Variants in TDO2 observed in about 807,000 individuals in gnomAD.
The protein encoded by TDO2 is tryptophan 2,3-dioxygenase.
Under a neutral mutation model 61.2 loss-of-function variants are expected in TDO2, and 63 were observed. The ratio of observed to expected loss-of-function variants is 1.03; its 90% CI spans 0.84 to 1.27. The LOEUF (loss-of-function observed/expected upper bound fraction) is 1.27, where lower values mean the gene tolerates loss of function less well. Ranked by LOEUF, TDO2 falls within the 50% of genes most tolerant of loss-of-function variation. The pLI, the probability that TDO2 is intolerant of heterozygous loss-of-function variation, is 0.00. For missense variants in TDO2, 494 were observed against 469.5 expected (o/e 1.05, Z -0.48); for synonymous variants, 183 against 164.0 (o/e 1.12, Z -0.89).
chr4:155,906,250 C>T (rs907518359), intron 3 of TDO2: 4 of 152,068 alleles, frequency 2.6e-5, no homozygotes, highest in African/African-American at 9.7e-5. Context: ...AAACATGCAA[C>T]AAATGGTAGC....
intron 6 of TDO2, among the ~76,000 whole-genome samples, chr4:155,910,725 A>C (rs1024788471): frequency 6.6e-6 from 1 of 152,130 alleles, no homozygotes; most frequent in African/African-American, 2.4e-5. Context: ...TAGATTATTA[A>C]ACAAAGATTG....
Position 155,911,752 on chromosome 4 carries a change from G to T in TDO2, c.726+148G>T, listed in dbSNP as rs537450755. 3.8e-5 allele frequency: 20 copies of T among 523,152 alleles called. No homozygotes were observed. In the East Asian group the frequency reaches 6.7e-4, roughly 18 times the overall value. The allele number at this position is 523,152 out of a possible 1,614,324, so 32.4% of individuals were successfully genotyped here. On this transcript the variant is annotated intron_variant, in intron 7 of 11. Transcript: ENST00000536354. ...TTTTCTTGGACTATGTGACATGATT[G>T]ATTTCATTTTCTTTATGTGTGATAA... is the stretch of plus-strand genomic sequence containing the variant.
rs1445803738 is a variant in TDO2 at position 155,909,178 on chromosome 4, A to C, written c.431+164A>C. 2.0e-5 allele frequency among the ~76,000 whole-genome samples: 3 copies of C among 152,208 alleles called. No homozygotes were observed. The East Asian group carries it at 5.8e-4, about 29-fold the overall frequency. On this transcript the variant is annotated intron_variant, in intron 5 of 11. Coordinates refer to ENST00000536354, the MANE Select transcript of TDO2 (RefSeq NM_005651.4). ...TCGATCACAAAGCATTTGAGAAGTT[A>C]TTAAAAATATTTTATTATTCATTTT...
intron 3 of TDO2, chr4:155,905,384 T>A (rs1425914075): frequency 1.5e-5 from 6 of 411,006 alleles, no homozygotes; most frequent in Non-Finnish European, 2.1e-5. Flanking sequence ...GGACTTTAGC[T>A]TTGTTCTTAA....
intron 3 of TDO2, 70 bp from the exon 4 acceptor site, chr4:155,907,652 T>C (rs773205040): frequency 1.4e-4 from 132 of 951,058 alleles, no homozygotes; most frequent in Admixed American, 7.3e-4. Flanking sequence ...ATGTTAAACA[T>C]ATCTTTCATA....
intron 9 of TDO2, among the ~76,000 whole-genome samples, chr4:155,916,189 A>G (rs1475635160): frequency 5.2e-5 from 6 of 116,050 alleles, no homozygotes; most frequent in Admixed American, 1.1e-4. Flanking sequence ...TTTTTTTGAG[A>G]CGGAGTCTCG....
Position 155,920,129 on chromosome 4 carries a change from A to G in TDO2, c.*139A>G. On this transcript the variant is annotated 3_prime_UTR_variant, in exon 12 of 12. Coordinates refer to ENST00000536354, the MANE Select transcript of TDO2 (RefSeq NM_005651.4). ...ATGCTCTGATTTAATTCTAGAAACA[A>G]TTTGATTACCTCTTGTTTGTGACAA... is the stretch of plus-strand genomic sequence containing the variant. 1 of 747,550 alleles carries G rather than the reference A, an allele frequency of 1.3e-6. No homozygotes were observed. The allele number at this position is 747,550 out of a possible 1,614,324, so 46.3% of individuals were successfully genotyped here. A position where few individuals can be genotyped will look rare whatever the true frequency, so the allele number is the denominator to read the frequency against.
rs752164518 is a variant in TDO2 at position 155,914,356 on chromosome 4, G to A, written c.760G>A (p.Val254Met). The change falls in exon 8 of 12, where the codon GTG (valine) becomes ATG (methionine). Residue 254 changes from valine (V) to methionine (M), a missense_variant. Coordinates refer to ENST00000536354, the MANE Select transcript of TDO2 (RefSeq NM_005651.4). ...AGAGTCTGAAGAAAAAGAGGAACAG[G>A]TGGCTGAATTTCAGAAGCAAAAAGA... is the stretch of plus-strand genomic sequence containing the variant. ...KEESEEKEEQVAEFQKQKEVL... is the reference protein window; with the variant it reads ...KEESEEKEEQMAEFQKQKEVL... 1.2e-6 allele frequency: 2 copies of A among 1,608,934 alleles called. No individual in the cohort carries two copies. Among genetic ancestry groups the A allele is most frequent in the East Asian group, 2.2e-5 (1 of 44,564 alleles).
At chr4:155,916,929 TGAGA>T (rs1319345286) in intron 9 of TDO2, among the ~76,000 whole-genome samples, 1 of 151,258 alleles carries the variant, frequency 6.6e-6, no homozygotes, top group Non-Finnish European at 1.5e-5. Context: ...GAAAATATGC[TGAGA>T]AAGGTGAAGA....
At chr4:155,919,541 T>C (rs1341670479) in intron 11 of TDO2, among the ~76,000 whole-genome samples, 1 of 152,128 alleles carries the variant, frequency 6.6e-6, no homozygotes, top group Non-Finnish European at 1.5e-5. Flanking sequence ...TGAGAACACA[T>C]CTTTATCTTT....
intron 4 of TDO2, among the ~76,000 whole-genome samples, chr4:155,908,254 A>G (rs954153272): frequency 6.6e-6 from 1 of 152,110 alleles, no homozygotes; most frequent in Non-Finnish European, 1.5e-5. Context: ...GGCAATGGGG[A>G]AGAAAAGGAC....
chr4:155,918,039 T>A, intron 10 of TDO2, 110 bp from the exon 11 acceptor site: 1 of 1,054,168 alleles, frequency 9.5e-7, no homozygotes, highest in East Asian at 2.6e-5. Flanking sequence ...CAAGTGTTAG[T>A]TGTCAACATT....
At chr4:155,915,944 A>AAATTGAGGG (rs1359072697) in intron 9 of TDO2, 32 bp downstream of exon 9, 1 of 1,581,022 alleles carries the variant, frequency 6.3e-7, no homozygotes, top group East Asian at 2.3e-5. Context: ...ACTGAAGTTA[A>AAATTGAGGG]AATTGAGGGG....
intron 11 of TDO2, 131 bp downstream of exon 11, chr4:155,918,370 TAGAATATTCCAGTTC>T (rs1324101428): frequency 4.2e-6 from 3 of 707,080 alleles, no homozygotes; most frequent in Non-Finnish European, 7.1e-6. Context: ...CGTTTGTAGT[TAGAATATTCCAGTTC>T]AGACTTTTGG....
At chr4:155,917,111 C>G (rs963427153) in intron 9 of TDO2, among the ~76,000 whole-genome samples, 3 of 152,164 alleles carry the variant, frequency 2.0e-5, no homozygotes, top group African/African-American at 7.2e-5. Context: ...GTGCACCTGT[C>G]TCGCTTTTAA....
Position 155,910,032 on chromosome 4 carries a change from T to C in TDO2, c.439T>C (p.Leu147=). ...ALDFNDFREY[L]SPASGFQSLQ... ...CACCATTTAATCTCAAAGAGAGTAC[T>C]TATCTCCAGCATCAGGCTTCCAGAG... Residue 147 remains leucine, a synonymous_variant, in exon 6 of 12, where the codon TTA becomes CTA. Transcript: ENST00000536354. The C allele has an allele frequency of 6.4e-7, 1 of 1,559,540 alleles. No homozygotes were observed. Among genetic ancestry groups the C allele is most frequent in the Non-Finnish European group, 8.6e-7 (1 of 1,159,280 alleles).
At chr4:155,909,734 C>T in intron 5 of TDO2, among the ~76,000 whole-genome samples, 1 of 151,886 alleles carries the variant, frequency 6.6e-6, no homozygotes, top group East Asian at 1.9e-4. Context: ...TTGTGTGTAT[C>T]TGCTCTTGAT....
At chr4:155,919,511 C>G (rs1743005055) in intron 11 of TDO2, among the ~76,000 whole-genome samples, 2 of 152,106 alleles carry the variant, frequency 1.3e-5, no homozygotes, top group African/African-American at 4.8e-5. Flanking sequence ...CCTTGCATAG[C>G]ATCCTTCAGA....
chr4:155,910,279 G>A (rs1742806874), intron 6 of TDO2, 68 bp downstream of exon 6: 1 of 1,293,886 alleles, frequency 7.7e-7, no homozygotes, highest in South Asian at 1.5e-5. Context: ...TGCTAAATCA[G>A]AATTTTAAAA....
Sources: allele counts gnomAD v4.1 joint callset (sites outside exome capture counted in the v4.1 genomes callset), GRCh38; gene constraint gnomAD v4.1.1; transcripts MANE v1.5; gene names NCBI Gene and HGNC (gene_info 2026-07-23, HGNC 2026-07-21).